PHF24: variants seen among roughly 807,000 people sequenced by gnomAD.
PHF24 encodes Galpha inhibitory interacting protein.
A neutral mutation model predicts 42.6 loss-of-function variants in PHF24; 25 were observed. The ratio of observed to expected loss-of-function variants is 0.59; its 90% CI spans 0.43 to 0.82. PHF24 has a LOEUF of 0.82. PHF24 is among the 40% of genes least tolerant of loss of function. The pLI, the probability that PHF24 is intolerant of heterozygous loss-of-function variation, is 0.00. For synonymous variants in PHF24, 185 were observed against 204.8 expected (o/e 0.90, Z 0.83); for missense variants, 470 against 538.1 (o/e 0.87, Z 1.25).
chr9:34,904,796 T>C, the PHF24 span, among the ~76,000 whole-genome samples: 164 of 2,368 alleles, frequency 0.069, 38 homozygotes, highest in Non-Finnish European at 0.15. Context: ...GTCAAAAGGA[T>C]TGCTTGTTAG....
At chr9:34,666,044 A>G in the PHF24 span, 1 of 307,120 alleles carries the variant, frequency 3.3e-6, no homozygotes, top group Non-Finnish European at 6.2e-6. Flanking sequence ...CACCCCGGAA[A>G]CGGACCGTTA....
the PHF24 span, among the ~76,000 whole-genome samples, chr9:34,732,235 C>T: frequency 6.6e-6 from 1 of 152,074 alleles, no homozygotes. Context: ...TACAAGGGTT[C>T]TCTTTTTCTC....
At chr9:34,709,541 G>A in the PHF24 span, 1 of 1,614,144 alleles carries the variant, frequency 6.2e-7, no homozygotes, top group Non-Finnish European at 8.5e-7. Context: ...TGCCAGTCTT[G>A]GAGGCCCCCC....
chr9:34,728,690 A>G, the PHF24 span: 9 of 1,547,250 alleles, frequency 5.8e-6, no homozygotes, highest in Non-Finnish European at 7.9e-6. Flanking sequence ...TGAAGCTGGG[A>G]CACCATTTTC....
chr9:34,816,076 TTTTTATTTTA>T, the PHF24 span, among the ~76,000 whole-genome samples: 695 of 151,792 alleles, frequency 4.6e-3, 6 homozygotes, highest in African/African-American at 0.016. Context: ...GCTTTTTTAT[TTTTTATTTTA>T]TTTTATTTTA....
intron 1 of PHF24, among the ~76,000 whole-genome samples, chr9:34,967,040 C>T (rs1461912828): frequency 3.3e-5 from 5 of 152,060 alleles, no homozygotes; most frequent in Admixed American, 3.3e-4. Flanking sequence ...CTATGCCTAG[C>T]TAAATTTTTT....
chr9:34,807,412 C>T, the PHF24 span, among the ~76,000 whole-genome samples: 1 of 152,106 alleles, frequency 6.6e-6, no homozygotes, highest in Non-Finnish European at 1.5e-5. Flanking sequence ...AAAGAGCTCA[C>T]TCAAGGAATG....
At chr9:34,731,734 C>T in the PHF24 span, among the ~76,000 whole-genome samples, 1 of 152,284 alleles carries the variant, frequency 6.6e-6, no homozygotes, top group Non-Finnish European at 1.5e-5. Flanking sequence ...CAAATCTTGG[C>T]TATTGTGTAA....
At chr9:34,682,994 G>A in the PHF24 span, among the ~76,000 whole-genome samples, 9 of 151,962 alleles carry the variant, frequency 5.9e-5, no homozygotes, top group African/African-American at 1.5e-4. Flanking sequence ...TAAAAATCAA[G>A]CGAACAAGTT....
the PHF24 span, among the ~76,000 whole-genome samples, chr9:34,854,241 T>A: frequency 1.3e-5 from 2 of 151,574 alleles, no homozygotes; most frequent in African/African-American, 2.4e-5. Flanking sequence ...GATTCGTTGC[T>A]TTTTTGAAGA....
the PHF24 span, among the ~76,000 whole-genome samples, chr9:34,947,459 A>C: frequency 6.6e-6 from 1 of 152,220 alleles, no homozygotes; most frequent in South Asian, 2.1e-4. Context: ...TACAGTACAT[A>C]ATACTTGCTA....
chr9:34,757,722 G>A, the PHF24 span, among the ~76,000 whole-genome samples: 7 of 152,226 alleles, frequency 4.6e-5, no homozygotes, highest in East Asian at 1.2e-3. Flanking sequence ...TGCTAGTGAT[G>A]TTTGCATGTG....
At chr9:34,811,854 A>G in the PHF24 span, among the ~76,000 whole-genome samples, 2 of 152,360 alleles carry the variant, frequency 1.3e-5, no homozygotes, top group Admixed American at 6.5e-5. Context: ...AAGTGAAAAG[A>G]CAGCCCATGG....
the PHF24 span, among the ~76,000 whole-genome samples, chr9:34,669,424 A>C: frequency 1.3e-5 from 2 of 151,926 alleles, no homozygotes; most frequent in African/African-American, 4.8e-5. Context: ...GAGTGTTGCC[A>C]CACACACAAG....
chr9:34,974,953 T>G (rs1587478120), intron 3 of PHF24, among the ~76,000 whole-genome samples: 2 of 152,164 alleles, frequency 1.3e-5, no homozygotes, highest in East Asian at 3.9e-4. Flanking sequence ...GCCTCTAATA[T>G]CTCTCTTCCC....
At chr9:34,925,909 C>T in the PHF24 span, among the ~76,000 whole-genome samples, 1 of 152,144 alleles carries the variant, frequency 6.6e-6, no homozygotes, top group African/African-American at 2.4e-5. Context: ...GAAAAATCAC[C>T]TCTTCCAATT....
chr9:34,880,285 G>T, the PHF24 span, among the ~76,000 whole-genome samples: 2 of 152,198 alleles, frequency 1.3e-5, no homozygotes, highest in African/African-American at 4.8e-5. Context: ...GGAAGAAACT[G>T]CATCAACTAA....
At chr9:34,980,128 A>G (rs1460396442) in exon 8 of PHF24, 3 of 152,200 alleles carry the variant, frequency 2.0e-5, no homozygotes, top group African/African-American at 7.2e-5. Flanking sequence ...GGGCTTTGAG[A>G]GCTGAATAGC....
chr9:34,813,769 C>A, the PHF24 span, among the ~76,000 whole-genome samples: 1 of 152,152 alleles, frequency 6.6e-6, no homozygotes, highest in South Asian at 2.1e-4. Context: ...CTCACCTTTG[C>A]CATGTTCTGT....
Sources: gnomAD v4.1 joint callset for allele counts (sites outside exome capture counted in the v4.1 genomes callset) on GRCh38, gnomAD v4.1.1 for gene constraint, MANE v1.5 for transcripts, NCBI Gene and HGNC (gene_info 2026-07-23, HGNC 2026-07-21) for gene names.